C7orf78: variants seen among roughly 807,000 people sequenced by gnomAD.
The protein encoded by C7orf78 is chromosome 7 open reading frame 78.
chr7:12,529,642 T>G, the C7orf78 span, among the ~76,000 whole-genome samples: 32,592 of 152,050 alleles, frequency 0.21, 3,971 homozygotes, highest in African/African-American at 0.32. Flanking sequence ...TCAATACATG[T>G]AAGGTATACA....
chr7:12,484,539 T>A, the C7orf78 span, among the ~76,000 whole-genome samples: 1 of 152,230 alleles, frequency 6.6e-6, no homozygotes, highest in Admixed American at 6.5e-5. Context: ...TATTTAATTC[T>A]ACCCTATTTG....
the C7orf78 span, among the ~76,000 whole-genome samples, chr7:12,534,977 G>GGAA: frequency 7.7e-6 from 1 of 130,372 alleles, no homozygotes; most frequent in East Asian, 2.3e-4. Context: ...GAAGGAAGGA[G>GGAA]GGAAGGAAGG....
the C7orf78 span, among the ~76,000 whole-genome samples, chr7:12,520,248 G>A: frequency 6.6e-6 from 1 of 152,172 alleles, no homozygotes; most frequent in African/African-American, 2.4e-5. Context: ...TCTGAAATGT[G>A]ATTATCTATT....
chr7:12,528,327 C>T, the C7orf78 span, among the ~76,000 whole-genome samples: 1 of 151,516 alleles, frequency 6.6e-6, no homozygotes, highest in Non-Finnish European at 1.5e-5. Flanking sequence ...GTAGAAAATG[C>T]CATCTAGCTG....
the C7orf78 span, chr7:12,487,063 T>C: frequency 6.6e-6 from 1 of 152,026 alleles, no homozygotes; most frequent in Non-Finnish European, 1.5e-5. Context: ...ATTTTCTGAT[T>C]AAATTTAGGT....
chr7:12,520,660 G>A, the C7orf78 span, among the ~76,000 whole-genome samples: 1 of 152,122 alleles, frequency 6.6e-6, no homozygotes, highest in Non-Finnish European at 1.5e-5. Context: ...ATCTATCCTG[G>A]AGACGGTTAC....
At chr7:12,525,974 T>A in the C7orf78 span, 1 of 393,552 alleles carries the variant, frequency 2.5e-6, no homozygotes, top group Non-Finnish European at 4.5e-6. Flanking sequence ...AGTAAATTCA[T>A]AGGCTTAAAA....
At chr7:12,540,653 G>A in the C7orf78 span, among the ~76,000 whole-genome samples, 40 of 152,262 alleles carry the variant, frequency 2.6e-4, no homozygotes, top group South Asian at 4.8e-3. Flanking sequence ...TGGTAAGTAC[G>A]AAAAATAAAT....
chr7:12,541,405 G>A, the C7orf78 span: 1 of 152,134 alleles, frequency 6.6e-6, no homozygotes, highest in Admixed American at 6.5e-5. Flanking sequence ...GTTATGCTGT[G>A]TGGGAAAGTA....
At chr7:12,514,265 C>T in the C7orf78 span, among the ~76,000 whole-genome samples, 2 of 152,080 alleles carry the variant, frequency 1.3e-5, no homozygotes, top group Admixed American at 1.3e-4. Context: ...TTGTTATGTT[C>T]TCTTGCTGAA....
the C7orf78 span, chr7:12,541,715 A>C: frequency 2.6e-5 from 4 of 152,154 alleles, no homozygotes; most frequent in Non-Finnish European, 5.9e-5. Flanking sequence ...CTTTGTGTTC[A>C]CATATACAAG....
At chr7:12,538,371 C>T in the C7orf78 span, 1 of 152,156 alleles carries the variant, frequency 6.6e-6, no homozygotes, top group Non-Finnish European at 1.5e-5. Flanking sequence ...GTCTCAATCA[C>T]ACTCCATTGC....
At chr7:12,492,362 A>C in the C7orf78 span, among the ~76,000 whole-genome samples, 5 of 152,248 alleles carry the variant, frequency 3.3e-5, no homozygotes, top group African/African-American at 9.6e-5. Context: ...AAGTATCTTG[A>C]TTTAGTTCAA....
At chr7:12,534,030 C>CA in the C7orf78 span, among the ~76,000 whole-genome samples, 1 of 152,138 alleles carries the variant, frequency 6.6e-6, no homozygotes, top group South Asian at 2.1e-4. Context: ...TCATTTTTTA[C>CA]AAATATTTGA....
At chr7:12,518,579 A>C in the C7orf78 span, among the ~76,000 whole-genome samples, 1 of 152,280 alleles carries the variant, frequency 6.6e-6, no homozygotes, top group East Asian at 1.9e-4. Flanking sequence ...TGTTGGCAGC[A>C]AGGTGAGTGG....
chr7:12,533,470 G>A, the C7orf78 span, among the ~76,000 whole-genome samples: 1 of 151,138 alleles, frequency 6.6e-6, no homozygotes, highest in Non-Finnish European at 1.5e-5. Flanking sequence ...AAAAGTGCTG[G>A]GATTACAGGT....
chr7:12,530,903 C>T, the C7orf78 span: 1 of 394,628 alleles, frequency 2.5e-6, no homozygotes, highest in Non-Finnish European at 4.5e-6. Context: ...ATCTGGAATA[C>T]AGATACACTT....
the C7orf78 span, among the ~76,000 whole-genome samples, chr7:12,511,918 A>ATTTTTTTTT: frequency 6.5e-4 from 52 of 80,560 alleles, no homozygotes; most frequent in Non-Finnish European, 7.0e-4. Flanking sequence ...CACCTGGCTA[A>ATTTTTTTTT]TTTTTTTTTT....
the C7orf78 span, among the ~76,000 whole-genome samples, chr7:12,526,872 A>C: frequency 1.3e-5 from 2 of 152,064 alleles, no homozygotes; most frequent in East Asian, 3.9e-4. Context: ...CTTTCCTAGT[A>C]TATGCTATGT....
Sources: allele counts gnomAD v4.1 joint callset (sites outside exome capture counted in the v4.1 genomes callset), GRCh38; gene constraint gnomAD v4.1.1; transcripts MANE v1.5; gene names NCBI Gene and HGNC (gene_info 2026-07-23, HGNC 2026-07-21).